The following DLG5 variants were observed in gnomAD, a reference collection of about 807,000 sequenced individuals.
DLG5 encodes discs large MAGUK scaffold protein 5, also known as disks large homolog 5.
Under a neutral mutation model 189.8 loss-of-function variants are expected in DLG5, and 48 were observed. The observed-to-expected ratio is 0.25, with a 90% CI of 0.20 to 0.32. The LOEUF is 0.32. Among genes scored for constraint, DLG5 ranks in the 10% least tolerant of loss-of-function variants. DLG5 has a pLI of 1.00. For missense variants in DLG5, 2,160 were observed against 2,544.7 expected, an observed-to-expected ratio of 0.85 and a Z score of 3.25; for synonymous variants, 1,016 against 1,054.1, an observed-to-expected ratio of 0.96 and a Z score of 0.70.
Position 77,796,309 on chromosome 10 carries a change from G to T in DLG5, c.5309-121C>A, listed in dbSNP as rs2154574811. On this transcript the variant is annotated intron_variant, in intron 28 of 31. Coordinates refer to ENST00000372391, the MANE Select transcript of DLG5 (RefSeq NM_004747.4). The surrounding 1 kb of genome is among the most constrained non-coding windows in gnomAD (Gnocchi z 5.2). ...ACCCAGTCCTGCCATGCATGAATCT[G>T]ACCCATGTCAGCAGGCTTCTGGAAC... 6.3e-7 allele frequency: 1 copy of T among 1,586,472 alleles called. No homozygotes were observed. Among genetic ancestry groups the T allele is most frequent in the Middle Eastern group, 1.7e-4 (1 of 5,800 alleles).
rs554102819 is a variant in DLG5 at position 77,817,013 on chromosome 10, C to T, written c.3868G>A (p.Glu1290Lys). 23 of 1,613,834 alleles carry T rather than the reference C, an allele frequency of 1.4e-5. No homozygotes were observed. The highest frequency in any genetic ancestry group is 1.9e-5 in the Non-Finnish European group (22 of 1,180,010). Residue 1290 changes from glutamate to lysine, a missense_variant, in exon 19 of 32, where the codon GAG becomes AAG. Physicochemically the swap from Glu to Lys is moderately conservative, Grantham distance 56 (BLOSUM62 1). Around this residue, in one of 5 missense-constraint regions of DLG5, gnomAD observed 754 missense variants for 746.5 expected, o/e 1.01. Coordinates refer to ENST00000372391, the MANE Select transcript of DLG5 (RefSeq NM_004747.4). ...PRYPRSVVGS[E>K]RGSVSHSECS... ...AATGTCGAGAAGTCCTTACCTCTCT[C>T]GGAGCCCACGACACTCCGCGGATAT... is the stretch of plus-strand genomic sequence containing the variant.
intron 1 of DLG5, among the ~76,000 whole-genome samples, chr10:77,917,535 A>G (rs902299192): frequency 1.3e-5 from 2 of 151,980 alleles, no homozygotes; most frequent in Admixed American, 6.6e-5. Flanking sequence ...AAAAAAAAAA[A>G]AGAAGAAAGA....
chr10:77,816,442 C>G (rs1250747487), intron 20 of DLG5, 109 bp downstream of exon 20: 1 of 1,523,250 alleles, frequency 6.6e-7, no homozygotes, highest in Non-Finnish European at 9.0e-7. Flanking sequence ...GACACTCAAG[C>G]TACTCCTGCT....
chr10:77,799,741 C>T lies in DLG5; in HGVS notation c.5165-3147G>A, dbSNP rs554557622. On this transcript the variant is annotated intron_variant, in intron 27 of 31. Transcript: ENST00000372391. Reference sequence around the variant, plus strand: ...CTCCAGCCTCAGCCTCCTGAGTAGCCGGGACTACAGGCACACGCCACCACA... The same window carrying T: ...CTCCAGCCTCAGCCTCCTGAGTAGCTGGGACTACAGGCACACGCCACCACA... Among the ~76,000 whole-genome samples the T allele has an allele frequency of 7.2e-5, 11 of 152,116 alleles. No homozygotes were observed. In the South Asian group the frequency reaches 1.7e-3, roughly 23 times the overall value.
In DLG5 at chr10:77,906,617, CT is replaced by C. The variant is rs35116526; in HGVS notation, c.304+19599del. 2.4e-3 allele frequency among the ~76,000 whole-genome samples: 243 copies of C among 102,170 alleles called. 1 individual carries two copies. Among genetic ancestry groups the C allele is most frequent in the African/African-American group, 7.3e-3 (191 of 26,240 alleles). 67.0% of individuals were successfully genotyped at this position (102,170 alleles called of 152,430 possible). ...TGGGCAGCAACAGTGCTGCGCTCCA[CT>C]TTTTTTTTTTTTTTTTTTTTTCCTG... is the stretch of plus-strand genomic sequence containing the variant. On this transcript the variant is annotated intron_variant, in intron 1 of 31. Coordinates refer to ENST00000372391, the MANE Select transcript of DLG5 (RefSeq NM_004747.4).
At chr10:77,820,870 C>T in intron 15 of DLG5, 1 of 575,520 alleles carries the variant, frequency 1.7e-6, no homozygotes, top group Non-Finnish European at 3.0e-6. Flanking sequence ...TAAAGTGTTC[C>T]CCTCTTGTGT....
At chr10:77,891,096 G>A (rs1845593334) in intron 1 of DLG5, among the ~76,000 whole-genome samples, 1 of 152,122 alleles carries the variant, frequency 6.6e-6, no homozygotes, top group East Asian at 1.9e-4. Flanking sequence ...ACCTCTCCGA[G>A]GAGTTTCCCA....
At chr10:77,826,415 C>T (rs542703630) in intron 13 of DLG5, among the ~76,000 whole-genome samples, 1 of 152,058 alleles carries the variant, frequency 6.6e-6, no homozygotes, top group Non-Finnish European at 1.5e-5. Flanking sequence ...CGTTTGAGGT[C>T]AGGAGTTCAA....
chr10:77,805,547 G>T, intron 27 of DLG5, 118 bp downstream of exon 27: 1 of 1,198,970 alleles, frequency 8.3e-7, no homozygotes, highest in Non-Finnish European at 1.2e-6. Flanking sequence ...CACACCTTCA[G>T]ACTTGCGCAC....
rs181021382 is a variant in DLG5, at chr10:77,830,929, C to T, written c.1749-56G>A. The T allele has an allele frequency of 5.0e-4, 787 of 1,586,694 alleles. 4 individuals are homozygous for T. The highest frequency in any genetic ancestry group is 1.1e-4 in the Non-Finnish European group (129 of 1,162,322). The stretch of plus-strand genomic sequence containing the variant: ...CCTTGGGAGGTGAAACATCCCACCG[C>T]GTAACGGCTCTGAACCTCACGAGGC... On this transcript the variant is annotated intron_variant, in intron 9 of 31. Transcript: ENST00000372391.
intron 31 of DLG5, 59 bp from the exon 32 acceptor site, chr10:77,792,602 C>T: frequency 4.7e-6 from 7 of 1,496,350 alleles, no homozygotes; most frequent in Non-Finnish European, 6.5e-6. Flanking sequence ...AGGTTTGAGG[C>T]AAGGCAGTAC....
At position 77,829,434 on chromosome 10, in the gene DLG5, G is replaced by A. The variant is rs747726063; in HGVS notation, c.2106C>T (p.Ile702=). 18 of 1,614,086 alleles carry A rather than the reference G, an allele frequency of 1.1e-5. No homozygotes were observed. Among genetic ancestry groups the A allele is most frequent in the Non-Finnish European group, 1.5e-5 (18 of 1,180,042 alleles). Residue 702 remains isoleucine (I), a synonymous_variant, in exon 12 of 32, where the codon ATC becomes ATT. Transcript: ENST00000372391. ...IKALLNGEGA[I]NMVVRRRKSL... ...ACTTCCTCCGCCGCACGACCATGTT[G>A]ATGGCCCCCTCCCCATTGAGGAGCG...
upstream of DLG5, chr10:77,927,065 G>A (rs1286897128): frequency 9.2e-6 from 2 of 217,978 alleles, no homozygotes; most frequent in Non-Finnish European, 1.8e-5. Flanking sequence ...CCCCGCGGCC[G>A]CCACCCGCTC....
intron 5 of DLG5, among the ~76,000 whole-genome samples, chr10:77,849,230 C>T (rs777216487): frequency 6.6e-6 from 1 of 152,260 alleles, no homozygotes; most frequent in Non-Finnish European, 1.5e-5. Flanking sequence ...TCAAGTCAAA[C>T]AGCACCATTT....
At chr10:77,863,090 C>CA (rs934164971) in intron 2 of DLG5, among the ~76,000 whole-genome samples, 5 of 151,504 alleles carry the variant, frequency 3.3e-5, no homozygotes, top group South Asian at 2.1e-4. Context: ...ATAACCTTAA[C>CA]AAAAAAAAAT....
chr10:77,933,565 A>T, the DLG5 span, among the ~76,000 whole-genome samples: 1 of 152,092 alleles, frequency 6.6e-6, no homozygotes, highest in African/African-American at 2.4e-5. Flanking sequence ...AAGTGCTAAG[A>T]TTACAGGGGT....
At chr10:77,804,732 A>C (rs190209567) in intron 27 of DLG5, among the ~76,000 whole-genome samples, 6 of 152,374 alleles carry the variant, frequency 3.9e-5, no homozygotes, top group East Asian at 3.9e-4. Context: ...ATCTTGCTCC[A>C]TAAGGATTAT....
chr10:77,901,040 G>A (rs1304575486), intron 1 of DLG5, among the ~76,000 whole-genome samples: 6 of 151,892 alleles, frequency 4.0e-5, no homozygotes, highest in South Asian at 4.1e-4. Flanking sequence ...GCTTGAACCC[G>A]GGAGGCAGAG....
Position 77,812,382 on chromosome 10 carries a change from G to T in DLG5, c.4026-5C>A. 1 of 1,603,366 alleles carries T rather than the reference G, an allele frequency of 6.2e-7. No homozygotes were observed. The highest frequency in any genetic ancestry group is 8.5e-7 in the Non-Finnish European group (1 of 1,171,064). ...CGTGGCTCCTCCACATAAGGCCTAA[G>T]GAAAAGTCAAAAGTTTCGGGGACTC... On this transcript the variant is annotated splice_polypyrimidine_tract_variant and splice_region_variant and intron_variant, in intron 20 of 31. Coordinates refer to ENST00000372391, the MANE Select transcript of DLG5 (RefSeq NM_004747.4).
Sources: allele counts gnomAD v4.1 joint callset (sites outside exome capture counted in the v4.1 genomes callset), GRCh38; gene constraint gnomAD v4.1.1; regional missense constraint gnomAD v4.1.1; non-coding constraint Gnocchi (gnomAD v3.1); transcripts MANE v1.5; gene names NCBI Gene and HGNC (gene_info 2026-07-23, HGNC 2026-07-21).